The following PATJ variants were observed in gnomAD, a reference collection of about 807,000 sequenced individuals.
PATJ encodes PATJ crumbs cell polarity complex component.
PATJ carries 190 observed loss-of-function variants against 224.9 expected under a neutral mutation model. The observed-to-expected ratio is 0.84, with a 90% CI of 0.75 to 0.95. The LOEUF (loss-of-function observed/expected upper bound fraction) is 0.95. Ranked by LOEUF, PATJ falls within the 40% of genes least tolerant of loss-of-function variation. The pLI, the probability that PATJ is intolerant of heterozygous loss-of-function variation, is 0.00. For synonymous variants in PATJ, 769 were observed against 820.3 expected (o/e 0.94, Z 1.07); for missense variants, 2,121 against 2,270.3 (o/e 0.93, Z 1.34).
chr1:61,918,568 C>T (rs955860439), intron 26 of PATJ, among the ~76,000 whole-genome samples: 1 of 152,132 alleles, frequency 6.6e-6, no homozygotes, highest in Non-Finnish European at 1.5e-5. Flanking sequence ...ACCTCCGCCT[C>T]TCAAAGTGCT....
intron 15 of PATJ, among the ~76,000 whole-genome samples, chr1:61,824,214 G>A (rs1657799455): frequency 7.0e-6 from 1 of 143,284 alleles, no homozygotes; most frequent in Non-Finnish European, 1.5e-5. Context: ...GGAGGTATGA[G>A]TATAACCAAT....
At chr1:62,143,448 T>TTTTTTA (rs1233211334) in intron 41 of PATJ, among the ~76,000 whole-genome samples, 24 of 130,970 alleles carry the variant, frequency 1.8e-4, no homozygotes, top group African/African-American at 7.0e-4. Flanking sequence ...ATTTTTTTTT[T>TTTTTTA]TTTTTTTTTT....
chr1:62,060,119 T>C (rs1434763826), intron 31 of PATJ, among the ~76,000 whole-genome samples: 1 of 152,180 alleles, frequency 6.6e-6, no homozygotes, highest in Non-Finnish European at 1.5e-5. Context: ...GCAATAATAA[T>C]AGCAATACCA....
chr1:61,884,405 C>T lies in PATJ; in HGVS notation c.3128C>T (p.Thr1043Ile), dbSNP rs540313737. Residue 1043 changes from threonine (T) to isoleucine (I), a missense_variant, in exon 22 of 44, where the codon ACA becomes ATA. Transcript: ENST00000642238. ...GMLSSRYATD[T>I]CELPEREEGE... ...TTGTCTTCTAGATATGCCACTGATACATGGTATGATATCATTTCTCTTTGT... is the reference window on the plus strand; with the variant it reads ...TTGTCTTCTAGATATGCCACTGATATATGGTATGATATCATTTCTCTTTGT... The T allele has an allele frequency of 4.0e-6, 6 of 1,514,544 alleles. No individual in the cohort carries two copies. The South Asian group carries it at 5.0e-5, about 13-fold the overall frequency. The allele number at this position is 1,514,544 out of a possible 1,614,324, so 93.8% of individuals were successfully genotyped here.
intron 27 of PATJ, among the ~76,000 whole-genome samples, chr1:61,978,945 G>A (rs140187474): frequency 1.4e-4 from 22 of 152,186 alleles, no homozygotes; most frequent in African/African-American, 4.8e-4. Context: ...ATGATGATAG[G>A]AAAACATACT....
At chr1:61,809,423 T>C (rs1273683313) in intron 14 of PATJ, among the ~76,000 whole-genome samples, 1 of 151,790 alleles carries the variant, frequency 6.6e-6, no homozygotes, top group Non-Finnish European at 1.5e-5. Context: ...GTTTCGCCCT[T>C]GTTGCCCAGG....
rs116077761 is a variant in PATJ at position 62,125,054 on chromosome 1, C to G, written c.5043+1996C>G. Among the ~76,000 whole-genome samples the G allele has an allele frequency of 5.7e-3, 860 of 151,684 alleles. 10 individuals are homozygous for G. The highest frequency in any genetic ancestry group is 0.02 in the African/African-American group (815 of 41,358). On this transcript the variant is annotated intron_variant, in intron 39 of 43. Transcript: ENST00000642238. ...CAGCCTGGGCAACATGGGGAAACTC[C>G]GTCTCTACAAATAATTTCTTTTAAA...
intron 25 of PATJ, among the ~76,000 whole-genome samples, chr1:61,910,536 CTTTTTTTTTTTTTTT>C (rs71050181): frequency 9.5e-5 from 4 of 42,270 alleles, no homozygotes; most frequent in East Asian, 1.0e-3. Context: ...CAAAGTGACT[CTTTTTTTTTTTTTTT>C]TTTTTTTTTT....
intron 35 of PATJ, among the ~76,000 whole-genome samples, chr1:62,116,227 G>C (rs1053555098): frequency 6.6e-6 from 1 of 152,148 alleles, no homozygotes; most frequent in African/African-American, 2.4e-5. Flanking sequence ...TTATCTTAAA[G>C]ATATACTTAC....
At chr1:62,026,495 T>TGC (rs2148445052) in intron 29 of PATJ, among the ~76,000 whole-genome samples, 1 of 146,516 alleles carries the variant, frequency 6.8e-6, no homozygotes, top group South Asian at 2.1e-4. Flanking sequence ...TGTCTGTGTG[T>TGC]GTGTGTACAT....
At chr1:62,101,686 T>C (rs1018879876) in intron 33 of PATJ, among the ~76,000 whole-genome samples, 1 of 152,200 alleles carries the variant, frequency 6.6e-6, no homozygotes, top group African/African-American at 2.4e-5. Flanking sequence ...TGTTTAATTG[T>C]GGAATAAAGG....
chr1:61,827,418 C>A lies in PATJ; in HGVS notation c.1819-4C>A. On this transcript the variant is annotated splice_polypyrimidine_tract_variant and splice_region_variant and intron_variant, in intron 15 of 43. Coordinates refer to ENST00000642238, the MANE Select transcript of PATJ (RefSeq NM_001350145.3). ...AGTTCTGACTTATCCCCTTGTCTTCCTAGGTCAATGGCATGCAGCTTTATG... is the reference window on the plus strand; with the variant it reads ...AGTTCTGACTTATCCCCTTGTCTTCATAGGTCAATGGCATGCAGCTTTATG... The A allele has an allele frequency of 6.2e-7, 1 of 1,612,804 alleles. No individual in the cohort carries two copies. The highest frequency in any genetic ancestry group is 8.5e-7 in the Non-Finnish European group (1 of 1,179,388).
chr1:62,000,682 G>A (rs2149604107), intron 28 of PATJ, among the ~76,000 whole-genome samples: 1 of 150,668 alleles, frequency 6.6e-6, no homozygotes, highest in Non-Finnish European at 1.5e-5. Context: ...CTTTATAGCA[G>A]CATGATTTAT....
At chr1:62,054,128 A>G (rs547634991) in intron 31 of PATJ, among the ~76,000 whole-genome samples, 20 of 152,218 alleles carry the variant, frequency 1.3e-4, no homozygotes, top group African/African-American at 4.8e-4. Context: ...GTAATGAAGT[A>G]TTAATTCAAG....
chr1:62,069,388 C>T (rs1164713928), intron 31 of PATJ, among the ~76,000 whole-genome samples: 1 of 151,874 alleles, frequency 6.6e-6, no homozygotes, highest in African/African-American at 2.4e-5. Context: ...ATTATAAGAG[C>T]AATAATTGTC....
intron 16 of PATJ, among the ~76,000 whole-genome samples, chr1:61,832,366 T>A (rs898745255): frequency 1.3e-5 from 2 of 152,182 alleles, no homozygotes; most frequent in East Asian, 1.9e-4. Context: ...ATAAAATAAA[T>A]TTTTTAAACT....
chr1:61,871,177 AAAAC>A (rs1305942463), intron 20 of PATJ, among the ~76,000 whole-genome samples: 3 of 147,310 alleles, frequency 2.0e-5, no homozygotes, highest in Admixed American at 6.7e-5. Context: ...TTTGAAAAAA[AAAAC>A]CAGAAAAAAG....
chr1:61,946,149 G>T (rs1372966794), intron 27 of PATJ, among the ~76,000 whole-genome samples: 5 of 151,708 alleles, frequency 3.3e-5, no homozygotes, highest in Admixed American at 1.3e-4. Flanking sequence ...ACATCACAAT[G>T]AAAAGAACTA....
At chr1:61,807,681 C>G (rs35792661) in intron 13 of PATJ, among the ~76,000 whole-genome samples, 1 of 152,108 alleles carries the variant, frequency 6.6e-6, no homozygotes, top group Non-Finnish European at 1.5e-5. Flanking sequence ...TGAATGAATG[C>G]GTGTACTCCA....
Sources: allele counts gnomAD v4.1 joint callset (sites outside exome capture counted in the v4.1 genomes callset), GRCh38; gene constraint gnomAD v4.1.1; transcripts MANE v1.5; gene names NCBI Gene and HGNC (gene_info 2026-07-23, HGNC 2026-07-21).